The following NCOA1 variants were observed in gnomAD, a reference collection of about 807,000 sequenced individuals.
NCOA1 encodes the protein Hin-2 protein.
A neutral mutation model predicts 150.9 loss-of-function variants in NCOA1; 35 were observed. The observed-to-expected ratio is 0.23, with a 90% CI of 0.18 to 0.31. The LOEUF (loss-of-function observed/expected upper bound fraction) is 0.31. Ranked by LOEUF, NCOA1 falls within the 10% of genes least tolerant of loss-of-function variation. The probability of loss-of-function intolerance (pLI) is 1.00; values close to 1 mark genes in which losing one functional copy is unlikely to be tolerated. For synonymous variants in NCOA1, 590 were observed against 630.0 expected, an observed-to-expected ratio of 0.94 and a Z score of 0.95; for missense variants, 1,491 against 1,749.3, an observed-to-expected ratio of 0.85 and a Z score of 2.63.
chr2:24,573,523 C>T (rs1291843489), intron 2 of NCOA1, among the ~76,000 whole-genome samples: 10 of 151,966 alleles, frequency 6.6e-5, no homozygotes, highest in African/African-American at 9.7e-5. Flanking sequence ...AAATTGTAAG[C>T]CTGAATAAAT....
chr2:24,620,759 T>C (rs1475135563), intron 3 of NCOA1, among the ~76,000 whole-genome samples: 1 of 152,222 alleles, frequency 6.6e-6, no homozygotes, highest in Non-Finnish European at 1.5e-5. Flanking sequence ...TTTATACAAA[T>C]GTGTTAAGAT....
intron 14 of NCOA1, among the ~76,000 whole-genome samples, chr2:24,721,233 T>A (rs963824898): frequency 6.6e-6 from 1 of 152,198 alleles, no homozygotes; most frequent in Non-Finnish European, 1.5e-5. Flanking sequence ...TATTACTTTT[T>A]ATGGATGCAA....
At chr2:24,557,945 G>A (rs573555859) in intron 1 of NCOA1, among the ~76,000 whole-genome samples, 14 of 150,998 alleles carry the variant, frequency 9.3e-5, no homozygotes, top group Non-Finnish European at 1.5e-4. Context: ...TGTGCTTTTG[G>A]TGTTTATTAT....
chr2:24,757,867 C>T (rs766548362), intron 20 of NCOA1, 106 bp from the exon 21 acceptor site: 5 of 979,000 alleles, frequency 5.1e-6, no homozygotes, highest in Non-Finnish European at 4.6e-6. Flanking sequence ...TACAGTCATA[C>T]ATGCAATTTA....
chr2:24,550,723 A>G (rs1173290781), intron 1 of NCOA1, among the ~76,000 whole-genome samples: 1 of 152,324 alleles, frequency 6.6e-6, no homozygotes, highest in Non-Finnish European at 1.5e-5. Context: ...AAGGGAAGGG[A>G]GCTGGATGAT....
intron 4 of NCOA1, among the ~76,000 whole-genome samples, chr2:24,654,754 C>G (rs943614207): frequency 2.6e-5 from 4 of 152,054 alleles, no homozygotes; most frequent in African/African-American, 9.7e-5. Flanking sequence ...CACTTACTCC[C>G]CCATCCCCCA....
At chr2:24,662,353 T>C (rs1359901062) in intron 5 of NCOA1, among the ~76,000 whole-genome samples, 1 of 152,230 alleles carries the variant, frequency 6.6e-6, no homozygotes, top group Non-Finnish European at 1.5e-5. Context: ...GGTAGCTGTG[T>C]TTATGCTTGT....
Position 24,707,147 on chromosome 2 carries a change from A to C in NCOA1, c.1677A>C (p.Pro559=). The C allele has an allele frequency of 6.2e-7, 1 of 1,614,216 alleles. No individual in the cohort carries two copies. Among genetic ancestry groups the C allele is most frequent in the Non-Finnish European group, 8.5e-7 (1 of 1,180,030 alleles). ...NNSVGFSASS[P]VLRQMSSQNS... is the part of the protein sequence containing the mutation. Reference sequence around the variant, plus strand: ...CCGTTGGCTTCTCTGCCAGTTCTCCAGTCCTCAGGCAGATGAGCTCACAGA... The same window carrying C: ...CCGTTGGCTTCTCTGCCAGTTCTCCCGTCCTCAGGCAGATGAGCTCACAGA... The change falls in exon 13 of 23, where the codon CCA becomes CCC. Residue 559 remains proline (P), a synonymous_variant. Transcript: ENST00000348332.
intron 6 of NCOA1, among the ~76,000 whole-genome samples, chr2:24,671,535 T>C (rs1013207890): frequency 6.6e-6 from 1 of 152,120 alleles, no homozygotes; most frequent in African/African-American, 2.4e-5. Context: ...TAAGATAAAA[T>C]GTCATAGTAT....
At chr2:24,507,167 A>G (rs556063232) in intron 1 of NCOA1, among the ~76,000 whole-genome samples, 1 of 152,366 alleles carries the variant, frequency 6.6e-6, no homozygotes, top group East Asian at 1.9e-4. Context: ...AAATGCTTAT[A>G]TCCAAAGGGA....
At chr2:24,518,090 C>T (rs936345403) in intron 1 of NCOA1, among the ~76,000 whole-genome samples, 9 of 151,974 alleles carry the variant, frequency 5.9e-5, no homozygotes, top group Admixed American at 1.3e-4. Context: ...AAAGTCCTAA[C>T]AAAATTTTAG....
chr2:24,758,400 A>G (rs112585673), intron 21 of NCOA1, among the ~76,000 whole-genome samples: 4 of 146,006 alleles, frequency 2.7e-5, no homozygotes, highest in African/African-American at 5.1e-5. Context: ...GTGCAATTAC[A>G]GCTCACTGCA....
At chr2:24,539,053 A>G (rs1665282031) in intron 1 of NCOA1, among the ~76,000 whole-genome samples, 1 of 152,248 alleles carries the variant, frequency 6.6e-6, no homozygotes, top group Admixed American at 6.5e-5. Context: ...TAGGAAGTAC[A>G]GATAAGCAAA....
At chr2:24,632,621 G>GGAT (rs1669756545) in intron 3 of NCOA1, among the ~76,000 whole-genome samples, 1 of 152,132 alleles carries the variant, frequency 6.6e-6, no homozygotes, top group Non-Finnish European at 1.5e-5. Context: ...TGAAAACTAG[G>GGAT]CCCTTTAGCA....
At chr2:24,547,906 G>A (rs979136026) in intron 1 of NCOA1, among the ~76,000 whole-genome samples, 20 of 146,244 alleles carry the variant, frequency 1.4e-4, no homozygotes, top group Admixed American at 6.3e-4. Context: ...GGAGAATGGC[G>A]TGAACCTGGG....
intron 18 of NCOA1, among the ~76,000 whole-genome samples, chr2:24,739,892 A>C (rs1232115465): frequency 6.6e-6 from 1 of 152,122 alleles, no homozygotes; most frequent in Non-Finnish European, 1.5e-5. Context: ...TCACATTGCT[A>C]AGCTGTCTTA....
chr2:24,696,430 C>A (rs1196324314), intron 10 of NCOA1, among the ~76,000 whole-genome samples: 1 of 151,988 alleles, frequency 6.6e-6, no homozygotes, highest in East Asian at 1.9e-4. Flanking sequence ...AAAATTTAGA[C>A]CACAATGAGA....
intron 3 of NCOA1, among the ~76,000 whole-genome samples, chr2:24,608,246 CTAT>C (rs202179395): frequency 0.36 from 47,110 of 131,472 alleles, 8,396 homozygotes; most frequent in Middle Eastern, 0.47. Flanking sequence ...CCCAGTTCCC[CTAT>C]TATTATTATT....
chr2:24,511,887 G>A (rs1474839264), intron 1 of NCOA1, among the ~76,000 whole-genome samples: 1 of 151,804 alleles, frequency 6.6e-6, no homozygotes, highest in African/African-American at 2.4e-5. Flanking sequence ...TTTCTATATG[G>A]TATGAGTTAG....
Sources: gnomAD v4.1 joint callset for allele counts (sites outside exome capture counted in the v4.1 genomes callset) on GRCh38, gnomAD v4.1.1 for gene constraint, MANE v1.5 for transcripts, NCBI Gene and HGNC (gene_info 2026-07-23, HGNC 2026-07-21) for gene names.